The following PLCB1 variants were observed in gnomAD, a reference collection of about 807,000 sequenced individuals.
The protein encoded by PLCB1 is phospholipase C beta 1.
In PLCB1, 46 loss-of-function variants were observed where a neutral mutation model predicts 161.8. That is an observed-to-expected ratio of 0.28 (90% confidence interval 0.22 to 0.36). The LOEUF is 0.36. Ranked by LOEUF, PLCB1 falls within the 10% of genes least tolerant of loss-of-function variation. PLCB1 has a pLI of 1.00. For synonymous variants in PLCB1, 517 were observed against 503.7 expected (o/e 1.03, Z -0.35); for missense variants, 1,016 against 1,472.5 (o/e 0.69, Z 5.07).
At chr20:8,158,371 C>T (rs914023065) in intron 2 of PLCB1, among the ~76,000 whole-genome samples, 2 of 152,070 alleles carry the variant, frequency 1.3e-5, no homozygotes, top group African/African-American at 4.8e-5. Context: ...TTGTATTAGT[C>T]CATTTTCATG....
At chr20:8,610,053 T>C (rs74822026) in intron 3 of PLCB1, among the ~76,000 whole-genome samples, 8,925 of 152,170 alleles carry the variant, frequency 0.059, 555 homozygotes, top group African/African-American at 0.16. Context: ...TTAATAAGCA[T>C]TCTTCCCTCC....
intron 31 of PLCB1, among the ~76,000 whole-genome samples, chr20:8,823,828 G>A (rs527540131): frequency 6.6e-6 from 1 of 152,248 alleles, no homozygotes; most frequent in South Asian, 2.1e-4. Flanking sequence ...AGTTCAGAAG[G>A]CCCTTGAAGA....
At chr20:8,831,959 T>TG (rs1458333826) in intron 31 of PLCB1, among the ~76,000 whole-genome samples, 1 of 92,772 alleles carries the variant, frequency 1.1e-5, no homozygotes. Context: ...TCTTTCTTTC[T>TG]TTCTTTCTTT....
At chr20:8,684,060 A>G (rs1019480198) in intron 9 of PLCB1, among the ~76,000 whole-genome samples, 4 of 150,618 alleles carry the variant, frequency 2.7e-5, no homozygotes, top group East Asian at 2.0e-4. Context: ...ATTTTTCTGT[A>G]TTTTTAGTAG....
At chr20:8,417,358 C>T (rs187646829) in intron 3 of PLCB1, among the ~76,000 whole-genome samples, 64 of 151,064 alleles carry the variant, frequency 4.2e-4, no homozygotes, top group Admixed American at 2.6e-3. Flanking sequence ...ATATAACATA[C>T]GCACCCACAT....
intron 7 of PLCB1, chr20:8,649,924 T>C (rs1989265214): frequency 6.4e-6 from 1 of 155,072 alleles, no homozygotes; most frequent in Non-Finnish European, 1.4e-5. Flanking sequence ...GAAGCAGCTT[T>C]GGAACTGGGT....
Position 8,656,106 on chromosome 20 carries a change from A to G in PLCB1, c.595-1078A>G, listed in dbSNP as rs866549660. The stretch of plus-strand genomic sequence containing the variant: ...TTCAAAGTTTGTGCCCAAGTAGCCC[A>G]AGTTATAATGATACAACACATCTAT... On this transcript the variant is annotated intron_variant, in intron 7 of 31. Coordinates refer to ENST00000338037, the MANE Select transcript of PLCB1 (RefSeq NM_015192.4). 3.7e-4 allele frequency among the ~76,000 whole-genome samples: 56 copies of G among 152,196 alleles called. 1 individual carries two copies. Among genetic ancestry groups the G allele is most frequent in the African/African-American group, 1.3e-3 (54 of 41,566 alleles).
intron 2 of PLCB1, among the ~76,000 whole-genome samples, chr20:8,355,164 T>C (rs985901150): frequency 3.9e-5 from 6 of 152,122 alleles, no homozygotes; most frequent in Non-Finnish European, 5.9e-5. Flanking sequence ...ACATTCTTTT[T>C]CCTTTTCTAA....
intron 13 of PLCB1, among the ~76,000 whole-genome samples, chr20:8,717,043 C>T (rs1191586076): frequency 6.6e-6 from 1 of 152,184 alleles, no homozygotes; most frequent in East Asian, 1.9e-4. Flanking sequence ...TAATGACCCC[C>T]TCATGGGAAA....
At chr20:8,839,396 A>G (rs1986410059) in intron 31 of PLCB1, among the ~76,000 whole-genome samples, 3 of 152,168 alleles carry the variant, frequency 2.0e-5, no homozygotes, top group Admixed American at 1.3e-4. Context: ...AGAAGCTGCT[A>G]GTTTTGAGTG....
chr20:8,735,169 ATTG>A (rs528502311), intron 19 of PLCB1, among the ~76,000 whole-genome samples: 99 of 152,316 alleles, frequency 6.5e-4, no homozygotes, highest in African/African-American at 2.3e-3. Context: ...ATCCTTGTCA[ATTG>A]TTGTTATAGT....
At chr20:8,747,001 C>A (rs6056055) in intron 23 of PLCB1, among the ~76,000 whole-genome samples, 50,170 of 151,998 alleles carry the variant, frequency 0.33, 8,811 homozygotes, top group East Asian at 0.5. Flanking sequence ...GCATCTCCAC[C>A]ACACACACGC....
chr20:8,195,786 A>G (rs962386646), intron 2 of PLCB1, among the ~76,000 whole-genome samples: 1 of 152,094 alleles, frequency 6.6e-6, no homozygotes, highest in African/African-American at 2.4e-5. Flanking sequence ...CAGTTACTTT[A>G]TGCAATGTCT....
At chr20:8,692,105 A>T (rs1364415624) in intron 10 of PLCB1, among the ~76,000 whole-genome samples, 1 of 152,224 alleles carries the variant, frequency 6.6e-6, no homozygotes, top group Non-Finnish European at 1.5e-5. Flanking sequence ...CATTCAGATA[A>T]GAAAGAAACC....
At chr20:8,160,810 G>A (rs190175374) in intron 2 of PLCB1, among the ~76,000 whole-genome samples, 1 of 151,754 alleles carries the variant, frequency 6.6e-6, no homozygotes, top group East Asian at 1.9e-4. Flanking sequence ...ATTGATAGTT[G>A]GATTATTTAA....
chr20:8,667,460 T>C (rs1989841666), intron 9 of PLCB1, among the ~76,000 whole-genome samples: 1 of 152,246 alleles, frequency 6.6e-6, no homozygotes, highest in South Asian at 2.1e-4. Context: ...TTGGTTGACT[T>C]GGCAACTCCC....
intron 5 of PLCB1, 99 bp from the exon 6 acceptor site, chr20:8,647,801 A>T: frequency 1.1e-6 from 1 of 896,624 alleles, no homozygotes; most frequent in Non-Finnish European, 1.8e-6. Context: ...ATTCAGCAAA[A>T]TGTACAAAGG....
intron 3 of PLCB1, among the ~76,000 whole-genome samples, chr20:8,553,348 G>A (rs1346241763): frequency 1.3e-5 from 2 of 152,132 alleles, no homozygotes; most frequent in Non-Finnish European, 2.9e-5. Context: ...ATTTCAGTCA[G>A]CAAGTGTCAG....
In PLCB1 at chr20:8,380,998, A is replaced by G. The variant is rs143086687; in HGVS notation, c.246+9548A>G. On this transcript the variant is annotated intron_variant, in intron 3 of 31. Transcript: ENST00000338037. ...TACTAGGTTGAATAGGAGTGGTGAG[A>G]GAGGCCATCCTTGTCTTGTATTGGT... Among the ~76,000 whole-genome samples the G allele has an allele frequency of 3.3e-5, 5 of 152,272 alleles. No homozygotes were observed. The East Asian group carries it at 7.7e-4, about 24-fold the overall frequency.
Sources: allele counts gnomAD v4.1 joint callset (sites outside exome capture counted in the v4.1 genomes callset), GRCh38; gene constraint gnomAD v4.1.1; transcripts MANE v1.5; gene names NCBI Gene and HGNC (gene_info 2026-07-23, HGNC 2026-07-21).